The following NEK10 variants were observed in gnomAD, a reference collection of about 807,000 sequenced individuals.
NEK10 encodes the protein NIMA related kinase 10.
In NEK10, 122 loss-of-function variants were observed where a neutral mutation model predicts 159.8. That is an observed-to-expected ratio of 0.76 (90% CI 0.66 to 0.89). The LOEUF (loss-of-function observed/expected upper bound fraction) is 0.89, where lower values mean the gene tolerates loss of function less well. Among genes scored for constraint, NEK10 ranks in the 40% least tolerant of loss-of-function variants. The probability of loss-of-function intolerance (pLI) is 0.00; values close to 1 mark genes in which losing one functional copy is unlikely to be tolerated. For synonymous variants in NEK10, 466 were observed against 457.1 expected (o/e 1.02, Z -0.25); for missense variants, 1,342 against 1,323.1 (o/e 1.01, Z -0.22).
intron 15 of NEK10, 79 bp from the exon 16 acceptor site, chr3:27,293,731 G>T (rs1042380391): frequency 3.9e-6 from 3 of 778,462 alleles, no homozygotes; most frequent in Non-Finnish European, 6.3e-6. Context: ...TTAACAGGAA[G>T]TAAACATTAA....
chr3:27,254,918 T>TACACACACACACACACAC (rs3035705), intron 23 of NEK10, among the ~76,000 whole-genome samples: 4 of 141,796 alleles, frequency 2.8e-5, no homozygotes, highest in African/African-American at 1.0e-4. Flanking sequence ...CTCTTTCTCT[T>TACACACACACACACACAC]ACACACACAC....
intron 30 of NEK10, among the ~76,000 whole-genome samples, chr3:27,161,959 C>T (rs888961154): frequency 1.3e-5 from 2 of 151,184 alleles, no homozygotes; most frequent in African/African-American, 2.4e-5. Flanking sequence ...GAGCCGAGAT[C>T]GTGCCACTGC....
chr3:27,225,182 G>C (rs1240413087), intron 23 of NEK10, among the ~76,000 whole-genome samples: 1 of 152,172 alleles, frequency 6.6e-6, no homozygotes. Flanking sequence ...AAAGATGAAG[G>C]CTGGGAGGTT....
At chr3:27,132,606 C>T (rs1351649042) in intron 31 of NEK10, among the ~76,000 whole-genome samples, 4 of 151,870 alleles carry the variant, frequency 2.6e-5, no homozygotes, top group Admixed American at 2.6e-4. Context: ...ATGGTAGGAC[C>T]TTAGAAAACA....
At chr3:27,279,322 C>T (rs953325628) in intron 22 of NEK10, among the ~76,000 whole-genome samples, 2 of 152,088 alleles carry the variant, frequency 1.3e-5, no homozygotes, top group African/African-American at 4.8e-5. Flanking sequence ...GTAAATAAAC[C>T]TTCTAGCGCA....
chr3:27,154,355 G>C (rs1945193564), intron 30 of NEK10, among the ~76,000 whole-genome samples: 1 of 152,090 alleles, frequency 6.6e-6, no homozygotes, highest in Admixed American at 6.5e-5. Flanking sequence ...ATTCACAGCA[G>C]AATTCTACCA....
At chr3:27,299,722 A>G (rs922434825) in intron 13 of NEK10, among the ~76,000 whole-genome samples, 1 of 152,222 alleles carries the variant, frequency 6.6e-6, no homozygotes, top group African/African-American at 2.4e-5. Context: ...ACCCACTTAT[A>G]GCATCAGCGT....
intron 25 of NEK10, 39 bp from the exon 26 acceptor site, chr3:27,192,281 G>A: frequency 6.7e-7 from 1 of 1,490,088 alleles, no homozygotes; most frequent in Non-Finnish European, 9.4e-7. Flanking sequence ...TCTGGTCAAT[G>A]TTGGGAGCAG....
intron 3 of NEK10, among the ~76,000 whole-genome samples, chr3:27,346,601 T>C (rs1459877577): frequency 6.6e-6 from 1 of 152,126 alleles, no homozygotes; most frequent in Non-Finnish European, 1.5e-5. Flanking sequence ...GGTTTTGAAG[T>C]TTCTCATGTG....
At chr3:27,239,029 T>C (rs1954273505) in intron 23 of NEK10, among the ~76,000 whole-genome samples, 1 of 152,012 alleles carries the variant, frequency 6.6e-6, no homozygotes, top group African/African-American at 2.4e-5. Context: ...TTAACAAAGT[T>C]ACACATGAAG....
chr3:27,157,966 T>C (rs1945649034), intron 30 of NEK10, among the ~76,000 whole-genome samples: 1 of 152,188 alleles, frequency 6.6e-6, no homozygotes, highest in African/African-American at 2.4e-5. Context: ...CATTTTTAAT[T>C]ATAGTATATA....
intron 1 of NEK10, among the ~76,000 whole-genome samples, chr3:27,362,081 A>C (rs2048728156): frequency 6.6e-6 from 1 of 152,218 alleles, no homozygotes; most frequent in African/African-American, 2.4e-5. Context: ...TGTCCAAATG[A>C]GATTATAAAC....
intron 25 of NEK10, among the ~76,000 whole-genome samples, chr3:27,200,809 T>G (rs1949977917): frequency 1.3e-5 from 2 of 152,108 alleles, no homozygotes; most frequent in African/African-American, 4.8e-5. Flanking sequence ...TGAGGGCCTG[T>G]GTCACACATA....
intron 23 of NEK10, among the ~76,000 whole-genome samples, chr3:27,216,076 T>C (rs1575295250): frequency 6.6e-6 from 1 of 152,312 alleles, no homozygotes; most frequent in African/African-American, 2.4e-5. Context: ...AACACTAAAG[T>C]TTCACTGATT....
Position 27,287,746 on chromosome 3 carries a change from A to G in NEK10, c.1744-3T>C. On this transcript the variant is annotated splice_region_variant and splice_polypyrimidine_tract_variant and intron_variant, in intron 19 of 35. Coordinates refer to ENST00000691995, the MANE Select transcript of NEK10 (RefSeq NM_001394966.1). ...CGTACAATGTTGGGATGATAAAGCTATAAGAAAATAAATAACAAACATGTA... is the reference window on the plus strand; with the variant it reads ...CGTACAATGTTGGGATGATAAAGCTGTAAGAAAATAAATAACAAACATGTA... 1.3e-6 allele frequency: 2 copies of G among 1,556,078 alleles called. No homozygotes were observed. The highest frequency in any genetic ancestry group is 1.7e-6 in the Non-Finnish European group (2 of 1,158,212).
Position 27,297,215 on chromosome 3 carries a change from C to T in NEK10, c.1194G>A (p.Leu398=). ...GGTGGGCATTGGTGTCATTGAGCAC[C>T]AGCTCAGTGAGGGCAGCACAGCAGG... ...QAACCAALTE[L]VLNDTNAHQV... is the part of the protein sequence containing the mutation. The change falls in exon 14 of 36, where the codon CTG becomes CTA. Residue 398 remains leucine (L), a synonymous_variant. Coordinates refer to ENST00000691995, the MANE Select transcript of NEK10 (RefSeq NM_001394966.1). The T allele has an allele frequency of 1.2e-6, 2 of 1,613,016 alleles. No individual in the cohort carries two copies. Among genetic ancestry groups the T allele is most frequent in the Non-Finnish European group, 1.7e-6 (2 of 1,179,058 alleles).
intron 28 of NEK10, among the ~76,000 whole-genome samples, chr3:27,174,176 T>C (rs1200562451): frequency 1.3e-5 from 2 of 152,220 alleles, no homozygotes; most frequent in African/African-American, 2.4e-5. Context: ...AAGTTAGATA[T>C]CTTGACTCTC....
intron 1 of NEK10, among the ~76,000 whole-genome samples, chr3:27,366,138 C>T (rs570264706): frequency 1.5e-3 from 227 of 152,290 alleles, no homozygotes; most frequent in Non-Finnish European, 2.2e-3. Flanking sequence ...CTGAGGCATA[C>T]TGACCACTGT....
intron 23 of NEK10, among the ~76,000 whole-genome samples, chr3:27,221,682 G>T (rs928417636): frequency 6.6e-6 from 1 of 152,206 alleles, no homozygotes; most frequent in African/African-American, 2.4e-5. Flanking sequence ...GGGGGAAACT[G>T]CCATCTCCAC....
Sources: allele counts gnomAD v4.1 joint callset (sites outside exome capture counted in the v4.1 genomes callset), GRCh38; gene constraint gnomAD v4.1.1; transcripts MANE v1.5; gene names NCBI Gene and HGNC (gene_info 2026-07-23, HGNC 2026-07-21).